The following MAP3K13 variants were observed in gnomAD, a reference collection of about 807,000 sequenced individuals.
The protein encoded by MAP3K13 is mitogen-activated protein kinase kinase kinase 13, also known as leucine zipper-bearing kinase.
A neutral mutation model predicts 104.0 loss-of-function variants in MAP3K13; 52 were observed. That is an observed-to-expected ratio of 0.50 (90% confidence interval 0.40 to 0.63). The LOEUF (loss-of-function observed/expected upper bound fraction) is 0.63. Ranked by LOEUF, MAP3K13 falls within the 20% of genes least tolerant of loss-of-function variation. The pLI, the probability that MAP3K13 is intolerant of heterozygous loss-of-function variation, is 0.00. For missense variants in MAP3K13, 914 were observed against 1,218.5 expected (o/e 0.75, Z 3.72); for synonymous variants, 394 against 442.2 (o/e 0.89, Z 1.37).
chr3:185,437,369 G>T, intron 2 of MAP3K13, 78 bp from the exon 3 acceptor site: 1 of 1,317,234 alleles, frequency 7.6e-7, no homozygotes, highest in South Asian at 1.4e-5. Context: ...TGACGATGAA[G>T]TTGGTACCTT....
intron 1 of MAP3K13, among the ~76,000 whole-genome samples, chr3:185,407,181 T>C (rs1218375604): frequency 6.6e-6 from 1 of 152,190 alleles, no homozygotes; most frequent in African/African-American, 2.4e-5. Context: ...ATATAAATAA[T>C]GTTTCTTTTT....
chr3:185,359,857 A>G (rs1006104461), upstream of MAP3K13, among the ~76,000 whole-genome samples: 1 of 152,106 alleles, frequency 6.6e-6, no homozygotes, highest in African/African-American at 2.4e-5. Context: ...TCTGACAAAA[A>G]TTGCCCATGG....
chr3:185,385,454 G>T (rs771114205), intron 1 of MAP3K13, among the ~76,000 whole-genome samples: 3 of 152,048 alleles, frequency 2.0e-5, no homozygotes, highest in Non-Finnish European at 4.4e-5. Context: ...ATTGCAGGTG[G>T]GAACCACCAT....
At chr3:185,401,901 C>T (rs1057359666) in intron 1 of MAP3K13, among the ~76,000 whole-genome samples, 9 of 152,132 alleles carry the variant, frequency 5.9e-5, no homozygotes, top group African/African-American at 2.2e-4. Flanking sequence ...ATGGAGCGAC[C>T]TCTTACCTGG....
Position 185,463,570 on chromosome 3 carries a change from GA to G in MAP3K13, c.1305del (p.Lys435AsnfsTer16). On this transcript the variant is annotated frameshift_variant, in exon 8 of 14. Coordinates refer to ENST00000265026, the MANE Select transcript of MAP3K13 (RefSeq NM_004721.5). LOFTEE classifies it high-confidence loss of function. The stretch of plus-strand genomic sequence containing the variant: ...CCCAGGCTGAATGGAGAGAAGAAGT[GA>G]AAAAACATTTTGAGAAGATCAAAAG... ...KSQAEWREEV[K>X]KHFEKIKSEG... The G allele has an allele frequency of 6.2e-7, 1 of 1,608,952 alleles. No individual in the cohort carries two copies. Among genetic ancestry groups the G allele is most frequent in the South Asian group, 1.1e-5 (1 of 90,694 alleles).
intron 7 of MAP3K13, among the ~76,000 whole-genome samples, chr3:185,461,375 A>G (rs1717087832): frequency 6.6e-6 from 1 of 152,174 alleles, no homozygotes; most frequent in African/African-American, 2.4e-5. Flanking sequence ...ATATTATAGA[A>G]TGATCATTTT....
intron 7 of MAP3K13, among the ~76,000 whole-genome samples, chr3:185,454,652 T>TATATATATGAG (rs1363255603): frequency 0.46 from 16,013 of 35,124 alleles, 4,910 homozygotes; most frequent in Non-Finnish European, 0.63. Flanking sequence ...ATATATATGA[T>TATATATATGAG]ATATATATGA....
rs370908470 is a variant in MAP3K13 at position 185,378,005 on chromosome 3, GT to G, written c.-86+14638del. On this transcript the variant is annotated intron_variant, in intron 1 of 13. Transcript: ENST00000265026. Reference sequence around the variant, plus strand: ...CCGGCACTTGTAGCAAGCTCCTGGGGTGGGGGGAGGTTCTGGAGGAACCCCT... The same window carrying G: ...CCGGCACTTGTAGCAAGCTCCTGGGGGGGGGGAGGTTCTGGAGGAACCCCT... 1.8e-3 allele frequency among the ~76,000 whole-genome samples: 279 copies of G among 151,522 alleles called. 2 individuals are homozygous for G. Among genetic ancestry groups the G allele is most frequent in the African/African-American group, 4.8e-3 (200 of 41,432 alleles).
chr3:185,467,347 C>A (rs186058984), intron 10 of MAP3K13, among the ~76,000 whole-genome samples: 5 of 152,296 alleles, frequency 3.3e-5, no homozygotes, highest in African/African-American at 1.2e-4. Context: ...CTCTAGGACA[C>A]AGAATTGGGT....
chr3:185,373,475 C>G (rs1489688463), intron 1 of MAP3K13, among the ~76,000 whole-genome samples: 1 of 152,126 alleles, frequency 6.6e-6, no homozygotes, highest in Non-Finnish European at 1.5e-5. Flanking sequence ...AACCCCGACT[C>G]TGCTAAAAAT....
At chr3:185,404,818 C>T (rs187619431) in intron 1 of MAP3K13, among the ~76,000 whole-genome samples, 2,218 of 152,272 alleles carry the variant, frequency 0.015, 29 homozygotes, top group Middle Eastern at 0.031. Flanking sequence ...CTCAGGTGAT[C>T]CGCCCGCCTC....
At chr3:185,481,473 G>T (rs1340120811) in intron 13 of MAP3K13, among the ~76,000 whole-genome samples, 1 of 148,402 alleles carries the variant, frequency 6.7e-6, no homozygotes, top group African/African-American at 2.5e-5. Flanking sequence ...CTGAGCAACA[G>T]TGAGACCCTG....
upstream of MAP3K13, among the ~76,000 whole-genome samples, chr3:185,362,543 T>A (rs1723672214): frequency 6.6e-6 from 1 of 152,194 alleles, no homozygotes. Flanking sequence ...AGCAAGATGT[T>A]ACTGCTGTGC....
chr3:185,303,280 A>T (rs897066443), intron 2 of MAP3K13, among the ~76,000 whole-genome samples: 4 of 152,174 alleles, frequency 2.6e-5, no homozygotes, highest in African/African-American at 9.6e-5. Flanking sequence ...CAGGGATATC[A>T]GTCTGTAGTT....
At position 185,284,490 on chromosome 3, in the gene MAP3K13, C is replaced by G. The variant is rs570214204; in HGVS notation, c.-204-1035C>G. Among the ~76,000 whole-genome samples the G allele has an allele frequency of 5.4e-3, 824 of 152,074 alleles. 13 individuals are homozygous for G. The highest frequency in any genetic ancestry group is 0.019 in the African/African-American group (770 of 41,504). On this transcript the variant is annotated intron_variant, in intron 1 of 14. Coordinates refer to the MAP3K13 transcript ENST00000424227. ...CAGCACTTTGCGAGGCCAAGGTGGGCGGATCACTTGAGGTCAGGAGTTCGA... is the reference window on the plus strand; with the variant it reads ...CAGCACTTTGCGAGGCCAAGGTGGGGGGATCACTTGAGGTCAGGAGTTCGA...
chr3:185,418,587 A>G lies in MAP3K13; in HGVS notation c.-85-9910A>G. Reference sequence around the variant, plus strand: ...TAGCTCTGCCAGTACCCCAAGACTCAGCACTGGTCTGATGACCTGCTAATT... The same window carrying G: ...TAGCTCTGCCAGTACCCCAAGACTCGGCACTGGTCTGATGACCTGCTAATT... On this transcript the variant is annotated intron_variant, in intron 1 of 13. Transcript: ENST00000265026. This position sits in a 1 kb window ranked among gnomAD's most constrained non-coding sequence, Gnocchi z 4.5. 3 of 1,612,346 alleles carry G rather than the reference A, an allele frequency of 1.9e-6. No individual in the cohort carries two copies. The highest frequency in any genetic ancestry group is 2.5e-6 in the Non-Finnish European group (3 of 1,179,742).
chr3:185,404,630 G>T (rs901655001), intron 1 of MAP3K13, among the ~76,000 whole-genome samples: 1 of 152,144 alleles, frequency 6.6e-6, no homozygotes, highest in Non-Finnish European at 1.5e-5. Context: ...AGGCTGGAGT[G>T]TAGTAGCTTA....
chr3:185,322,396 C>G (rs889968095), intron 2 of MAP3K13, among the ~76,000 whole-genome samples: 5 of 152,162 alleles, frequency 3.3e-5, no homozygotes, highest in African/African-American at 1.2e-4. Flanking sequence ...GTTTCTTAGA[C>G]AGTGCATTTG....
intron 8 of MAP3K13, 38 bp downstream of exon 8, chr3:185,463,697 C>CA: frequency 8.0e-7 from 1 of 1,244,100 alleles, no homozygotes; most frequent in African/African-American, 1.5e-5. Flanking sequence ...CCTTCATCCC[C>CA]AGGTCTTCAG....
Sources: gnomAD v4.1 joint callset for allele counts (sites outside exome capture counted in the v4.1 genomes callset) on GRCh38, gnomAD v4.1.1 for gene constraint, Gnocchi (gnomAD v3.1) non-coding constraint, MANE v1.5 for transcripts, NCBI Gene and HGNC (gene_info 2026-07-23, HGNC 2026-07-21) for gene names.